NCOA1: variants seen among roughly 807,000 people sequenced by gnomAD.
NCOA1 encodes nuclear receptor coactivator 1.
A neutral mutation model predicts 150.9 loss-of-function variants in NCOA1; 35 were observed. The observed-to-expected ratio is 0.23, with a 90% CI of 0.18 to 0.31. NCOA1 has a LOEUF of 0.31. Ranked by LOEUF, NCOA1 falls within the 10% of genes least tolerant of loss-of-function variation. NCOA1 has a pLI of 1.00. For missense variants in NCOA1, 1,491 were observed against 1,749.3 expected, an observed-to-expected ratio of 0.85 and a Z score of 2.63; for synonymous variants, 590 against 630.0, an observed-to-expected ratio of 0.94 and a Z score of 0.95.
chr2:24,494,297 C>T (rs139336703), intron 1 of NCOA1, among the ~76,000 whole-genome samples: 100 of 152,274 alleles, frequency 6.6e-4, no homozygotes, highest in African/African-American at 2.4e-3. Context: ...TTAGTTCTCC[C>T]TGCTTGGTTG....
intron 1 of NCOA1, among the ~76,000 whole-genome samples, chr2:24,518,914 C>T (rs1051609353): frequency 6.6e-6 from 1 of 152,126 alleles, no homozygotes; most frequent in Non-Finnish European, 1.5e-5. Flanking sequence ...TCTGTGTGTA[C>T]TATGCAATCC....
At chr2:24,497,404 G>A (rs1663270439) in intron 1 of NCOA1, among the ~76,000 whole-genome samples, 1 of 152,100 alleles carries the variant, frequency 6.6e-6, no homozygotes, top group African/African-American at 2.4e-5. Flanking sequence ...TGGGCTGGGC[G>A]TGGTGGCTCA....
chr2:24,621,126 C>T (rs1260867945), intron 3 of NCOA1, among the ~76,000 whole-genome samples: 1 of 152,082 alleles, frequency 6.6e-6, no homozygotes, highest in Non-Finnish European at 1.5e-5. Flanking sequence ...CTGTGATTCT[C>T]ATAATCTTGT....
At chr2:24,621,431 G>T (rs1373549619) in intron 3 of NCOA1, among the ~76,000 whole-genome samples, 3 of 75,586 alleles carry the variant, frequency 4.0e-5, no homozygotes, top group East Asian at 8.5e-4. Flanking sequence ...TATTCAGGCA[G>T]ATTTTTTTTT....
At chr2:24,578,524 TA>T (rs1237569053) in intron 2 of NCOA1, among the ~76,000 whole-genome samples, 1 of 152,174 alleles carries the variant, frequency 6.6e-6, no homozygotes, top group Non-Finnish European at 1.5e-5. Flanking sequence ...AAGATTCCAG[TA>T]ACTACATTAA....
intron 14 of NCOA1, among the ~76,000 whole-genome samples, chr2:24,720,864 T>G (rs1039737562): frequency 6.6e-6 from 1 of 152,226 alleles, no homozygotes; most frequent in Non-Finnish European, 1.5e-5. Context: ...GGCCCACATC[T>G]TAAGTTTGTG....
At chr2:24,728,851 A>T (rs1047366708) in intron 16 of NCOA1, among the ~76,000 whole-genome samples, 4 of 152,232 alleles carry the variant, frequency 2.6e-5, no homozygotes, top group Non-Finnish European at 4.4e-5. Context: ...TGATAAAATC[A>T]CTTTAGTGCA....
chr2:24,585,253 G>T (rs1246385986), intron 3 of NCOA1, among the ~76,000 whole-genome samples: 1 of 152,020 alleles, frequency 6.6e-6, no homozygotes, highest in Non-Finnish European at 1.5e-5. Flanking sequence ...TTATCCATTG[G>T]AGTCTTACCA....
intron 9 of NCOA1, 61 bp from the exon 10 acceptor site, chr2:24,693,191 T>C (rs1572601443): frequency 6.9e-7 from 1 of 1,452,934 alleles, no homozygotes; most frequent in East Asian, 2.3e-5. Context: ...TAATGGCGAG[T>C]GATAGATATA....
At chr2:24,657,066 G>A (rs544304385) in intron 4 of NCOA1, among the ~76,000 whole-genome samples, 81 of 152,088 alleles carry the variant, frequency 5.3e-4, no homozygotes, top group Non-Finnish European at 5.7e-4. Context: ...AAATGGCTAC[G>A]CTAATTTACA....
chr2:24,747,246 T>C (rs1663972219), intron 19 of NCOA1, among the ~76,000 whole-genome samples: 1 of 151,982 alleles, frequency 6.6e-6, no homozygotes, highest in Non-Finnish European at 1.5e-5. Flanking sequence ...TTATTTATTG[T>C]TTACTGTTGA....
chr2:24,559,204 CTT>C (rs1666199171), intron 1 of NCOA1, among the ~76,000 whole-genome samples: 2 of 152,152 alleles, frequency 1.3e-5, no homozygotes, highest in Non-Finnish European at 2.9e-5. Context: ...AGGTGATCCT[CTT>C]TTGCTGCTGC....
At chr2:24,747,365 G>T (rs1416543796) in intron 19 of NCOA1, among the ~76,000 whole-genome samples, 3 of 137,704 alleles carry the variant, frequency 2.2e-5, no homozygotes, top group African/African-American at 5.6e-5. Flanking sequence ...TTGAGATAGG[G>T]TCTTGCTCTG....
At chr2:24,637,679 G>T (rs1005299869) in intron 3 of NCOA1, among the ~76,000 whole-genome samples, 4 of 151,440 alleles carry the variant, frequency 2.6e-5, no homozygotes, top group South Asian at 2.1e-4. Flanking sequence ...TATATTGGGG[G>T]TTTTTTGTTT....
intron 3 of NCOA1, among the ~76,000 whole-genome samples, chr2:24,610,848 A>C (rs1668591976): frequency 6.6e-6 from 1 of 151,404 alleles, no homozygotes. Flanking sequence ...TTGAGTTCAC[A>C]GTGCATTCCT....
intron 3 of NCOA1, among the ~76,000 whole-genome samples, chr2:24,612,237 C>T (rs1183412141): frequency 6.6e-6 from 1 of 152,134 alleles, no homozygotes. Flanking sequence ...AAATAGGCCC[C>T]CAATCTTATA....
chr2:24,664,980 C>G (rs1365279897), intron 5 of NCOA1, among the ~76,000 whole-genome samples: 1 of 152,088 alleles, frequency 6.6e-6, no homozygotes, highest in African/African-American at 2.4e-5. Context: ...GCTAAATAAA[C>G]CAGGGCTAAA....
chr2:24,699,618 C>G (rs769622095), intron 11 of NCOA1, among the ~76,000 whole-genome samples: 11 of 152,158 alleles, frequency 7.2e-5, no homozygotes, highest in Middle Eastern at 3.4e-3. Context: ...TCAAGTTGTC[C>G]AAAGTTCACG....
chr2:24,631,417 A>G (rs909933641), intron 3 of NCOA1, among the ~76,000 whole-genome samples: 1 of 152,220 alleles, frequency 6.6e-6, no homozygotes. Context: ...TAAATAAATA[A>G]TATGTAAATC....
Sources: allele counts gnomAD v4.1 joint callset (sites outside exome capture counted in the v4.1 genomes callset), GRCh38; gene constraint gnomAD v4.1.1; transcripts MANE v1.5; gene names NCBI Gene and HGNC (gene_info 2026-07-23, HGNC 2026-07-21).